The following ASAP1 variants were observed in gnomAD, a reference collection of about 807,000 sequenced individuals.
ASAP1 encodes the protein arf-GAP with SH3 domain, ANK repeat and PH domain-containing protein 1.
Under a neutral mutation model 145.2 loss-of-function variants are expected in ASAP1, and 43 were observed. The ratio of observed to expected loss-of-function variants is 0.30; its 90% CI spans 0.23 to 0.38. The LOEUF is 0.38. Ranked by LOEUF, ASAP1 falls within the 10% of genes least tolerant of loss-of-function variation. The probability of loss-of-function intolerance (pLI) is 1.00; values close to 1 mark genes in which losing one functional copy is unlikely to be tolerated. For synonymous variants in ASAP1, 546 were observed against 515.5 expected (o/e 1.06, Z -0.80); for missense variants, 1,018 against 1,355.3 (o/e 0.75, Z 3.91).
chr8:130,252,595 T>C (rs938386528), intron 3 of ASAP1, among the ~76,000 whole-genome samples: 2 of 152,166 alleles, frequency 1.3e-5, no homozygotes, highest in Non-Finnish European at 2.9e-5. Flanking sequence ...TAGTAGAATA[T>C]TGTGTTTCAA....
intron 2 of ASAP1, among the ~76,000 whole-genome samples, chr8:130,388,062 C>T (rs952891409): frequency 2.0e-5 from 3 of 152,308 alleles, no homozygotes; most frequent in African/African-American, 7.2e-5. Context: ...GAGGACATAG[C>T]ATTTAAGCTG....
intron 5 of ASAP1, among the ~76,000 whole-genome samples, chr8:130,206,471 T>G (rs529996882): frequency 6.6e-6 from 1 of 152,172 alleles, no homozygotes; most frequent in Non-Finnish European, 1.5e-5. Context: ...AAAAACAACT[T>G]TAACACAAAC....
intron 24 of ASAP1, among the ~76,000 whole-genome samples, chr8:130,099,335 C>A (rs980008253): frequency 1.3e-5 from 2 of 151,924 alleles, no homozygotes; most frequent in Admixed American, 1.3e-4. Flanking sequence ...CCTGCCACCA[C>A]GCCTGGCTAA....
At chr8:130,271,202 C>G (rs531165465) in intron 3 of ASAP1, among the ~76,000 whole-genome samples, 6 of 152,266 alleles carry the variant, frequency 3.9e-5, no homozygotes, top group African/African-American at 1.2e-4. Flanking sequence ...CTGAACTCGA[C>G]CAGAAGAGCT....
chr8:130,382,175 A>G (rs1216394422), intron 2 of ASAP1, among the ~76,000 whole-genome samples: 2 of 150,740 alleles, frequency 1.3e-5, no homozygotes, highest in African/African-American at 4.9e-5. Flanking sequence ...AGTCCCAGCT[A>G]CTCGGGAGGC....
In ASAP1 at chr8:130,214,682, T is replaced by C; in HGVS notation, c.279A>G (p.Glu93=). 6.3e-7 allele frequency: 1 copy of C among 1,598,912 alleles called. No homozygotes were observed. The highest frequency in any genetic ancestry group is 1.1e-5 in the South Asian group (1 of 87,824). ...NSGQDHVQNE[E]NYAQVLDKFG... is the part of the protein sequence containing the mutation. Reference sequence around the variant, plus strand: ...ACTTATCAAGAACTTGTGCATAGTTTTCTTCATTTTGTACATGATCTAAAA... The same window carrying C: ...ACTTATCAAGAACTTGTGCATAGTTCTCTTCATTTTGTACATGATCTAAAA... Residue 93 remains glutamate (E), a synonymous_variant, in exon 5 of 30, where the codon GAA becomes GAG. Transcript: ENST00000518721.
At chr8:130,276,775 G>A (rs1318889448) in intron 3 of ASAP1, among the ~76,000 whole-genome samples, 1 of 122,552 alleles carries the variant, frequency 8.2e-6, no homozygotes, top group Non-Finnish European at 1.7e-5. Context: ...TAACAAAAAA[G>A]CTCCATGGCA....
chr8:130,220,038 A>ATTGGCC (rs1160398806), intron 4 of ASAP1, among the ~76,000 whole-genome samples: 1 of 152,142 alleles, frequency 6.6e-6, no homozygotes, highest in Non-Finnish European at 1.5e-5. Flanking sequence ...TTCCTCCCAC[A>ATTGGCC]TTGGCCACCC....
At chr8:130,108,195 C>T (rs1764027937) in intron 24 of ASAP1, among the ~76,000 whole-genome samples, 1 of 152,140 alleles carries the variant, frequency 6.6e-6, no homozygotes, top group African/African-American at 2.4e-5. Context: ...CAGAGCCTCT[C>T]TAAGGTAGGA....
At chr8:130,382,285 C>CAAAAAAAAAAA (rs35060121) in intron 2 of ASAP1, among the ~76,000 whole-genome samples, 1 of 73,480 alleles carries the variant, frequency 1.4e-5, no homozygotes, top group Non-Finnish European at 2.5e-5. Flanking sequence ...GATTCTGTCT[C>CAAAAAAAAAAA]AAAAAAAAAA....
At chr8:130,186,831 G>A (rs995560549) in intron 7 of ASAP1, among the ~76,000 whole-genome samples, 2 of 152,088 alleles carry the variant, frequency 1.3e-5, no homozygotes, top group African/African-American at 4.8e-5. Flanking sequence ...CTTAGTGCAC[G>A]TCCTGGCAGG....
chr8:130,109,921 T>C (rs1411113433), intron 24 of ASAP1, among the ~76,000 whole-genome samples: 1 of 152,190 alleles, frequency 6.6e-6, no homozygotes, highest in Admixed American at 6.5e-5. Context: ...AAGAACACTC[T>C]TGGTTTTTGT....
chr8:130,403,493 T>C (rs946315793), intron 1 of ASAP1, among the ~76,000 whole-genome samples: 4 of 152,082 alleles, frequency 2.6e-5, no homozygotes, highest in African/African-American at 7.2e-5. Context: ...TTCACCTCTC[T>C]GACCTTATCC....
At chr8:130,128,190 T>A (rs2135741177) in intron 15 of ASAP1, 100 bp from the exon 16 acceptor site, 1 of 829,222 alleles carries the variant, frequency 1.2e-6, no homozygotes, top group South Asian at 3.9e-5. Context: ...AAAAATCTAC[T>A]TTTGTCAAGT....
At chr8:130,229,773 C>G (rs1283919025) in intron 4 of ASAP1, among the ~76,000 whole-genome samples, 1 of 152,192 alleles carries the variant, frequency 6.6e-6, no homozygotes, top group African/African-American at 2.4e-5. Context: ...GGCGTGCTGG[C>G]TCACACCTGT....
chr8:130,290,123 G>A (rs1565176329), intron 3 of ASAP1, among the ~76,000 whole-genome samples: 2 of 151,910 alleles, frequency 1.3e-5, no homozygotes, highest in Non-Finnish European at 2.9e-5. Context: ...AACATAAAAG[G>A]GTGGTCCATA....
At chr8:130,289,813 A>T (rs1351675635) in intron 3 of ASAP1, among the ~76,000 whole-genome samples, 2 of 152,190 alleles carry the variant, frequency 1.3e-5, no homozygotes, top group African/African-American at 2.4e-5. Flanking sequence ...CTTATTGTTT[A>T]TTATACAACA....
intron 1 of ASAP1, among the ~76,000 whole-genome samples, chr8:130,442,658 T>C (rs1019099844): frequency 6.6e-6 from 1 of 152,108 alleles, no homozygotes; most frequent in East Asian, 1.9e-4. Flanking sequence ...ACAGGTAAAG[T>C]TGAGGTCAAG....
intron 11 of ASAP1, among the ~76,000 whole-genome samples, chr8:130,163,619 G>A (rs2097674080): frequency 6.6e-6 from 1 of 152,164 alleles, no homozygotes; most frequent in Non-Finnish European, 1.5e-5. Context: ...CATTCAGCTT[G>A]CTAAGCAGGG....
Sources: allele counts gnomAD v4.1 joint callset (sites outside exome capture counted in the v4.1 genomes callset), GRCh38; gene constraint gnomAD v4.1.1; transcripts MANE v1.5; gene names NCBI Gene and HGNC (gene_info 2026-07-23, HGNC 2026-07-21).